Variants in CLCA4 observed in about 807,000 individuals in gnomAD.
The protein encoded by CLCA4 is calcium-activated chloride channel regulator 4.
CLCA4 carries 69 observed loss-of-function variants against 78.9 expected under a neutral mutation model. The observed-to-expected ratio is 0.87, with a 90% CI of 0.72 to 1.07. CLCA4 has a LOEUF of 1.07. CLCA4 is among the 50% of genes least tolerant of loss of function. The pLI, the probability that CLCA4 is intolerant of heterozygous loss-of-function variation, is 0.00. For missense variants in CLCA4, 1,133 were observed against 1,095.8 expected (o/e 1.03, Z -0.48); for synonymous variants, 362 against 375.8 (o/e 0.96, Z 0.42).
chr1:86,558,994 T>G (rs1649934042), intron 1 of CLCA4, among the ~76,000 whole-genome samples: 1 of 152,022 alleles, frequency 6.6e-6, no homozygotes, highest in Non-Finnish European at 1.5e-5. Flanking sequence ...TTTTTTTTCA[T>G]TTCAACCTTG....
At chr1:86,568,151 T>C (rs998364562) in intron 7 of CLCA4, among the ~76,000 whole-genome samples, 16 of 151,896 alleles carry the variant, frequency 1.1e-4, no homozygotes, top group Non-Finnish European at 1.9e-4. Context: ...GCATGAACTT[T>C]GACATCAGAG....
At chr1:86,548,492 C>T (rs968019272) in intron 1 of CLCA4, among the ~76,000 whole-genome samples, 5 of 151,728 alleles carry the variant, frequency 3.3e-5, no homozygotes, top group Non-Finnish European at 7.4e-5. Flanking sequence ...ACCAGGCTGG[C>T]CAACATGTTG....
Position 86,577,913 on chromosome 1 carries a change from T to C in CLCA4, c.1963T>C (p.Phe655Leu). 6.2e-7 allele frequency: 1 copy of C among 1,610,008 alleles called. No homozygotes were observed. Among genetic ancestry groups the C allele is most frequent in the Non-Finnish European group, 8.5e-7 (1 of 1,178,406 alleles). Residue 655 changes from phenylalanine (F) to leucine (L), a missense_variant, in exon 12 of 14, where the codon TTC becomes CTC. By Grantham distance (22) the Phe-to-Leu change is conservative (BLOSUM62 0). Transcript: ENST00000370563. ...LLDNGAGADS[F>L]KNDGVYSRYF... ...ATTTCTATAACAAGGCGCTGATTCT[T>C]TCAAGAATGATGGAGTCTACTCCAG... is the stretch of plus-strand genomic sequence containing the variant.
chr1:86,572,774 C>T, intron 9 of CLCA4, 54 bp downstream of exon 9: 1 of 1,023,734 alleles, frequency 9.8e-7, no homozygotes. Context: ...CAAGAAAAAA[C>T]CATTTGGTGG....
chr1:86,556,519 G>A (rs551993547), intron 1 of CLCA4, among the ~76,000 whole-genome samples: 21 of 152,180 alleles, frequency 1.4e-4, no homozygotes, highest in South Asian at 8.3e-4. Flanking sequence ...TCAATCTTGC[G>A]TCCTGGAGAT....
In CLCA4 at chr1:86,565,441, G is replaced by A. The variant is rs1375708226; in HGVS notation, c.725G>A (p.Ser242Asn). 3.2e-6 allele frequency: 5 copies of A among 1,584,278 alleles called. No homozygotes were observed. The African/African-American group carries it at 6.8e-5, about 21-fold the overall frequency. ...AAAGCATCCATAATGTTTATGCAAA[G>A]TATTGATTCTGTAAGTATGCTGATA... ...TEKASIMFMQSIDSVVEFCNE... is the reference protein window; with the variant it reads ...TEKASIMFMQNIDSVVEFCNE... Residue 242 changes from serine to asparagine, a missense_variant, in exon 5 of 14, where the codon AGT becomes AAT. Coordinates refer to ENST00000370563, the MANE Select transcript of CLCA4 (RefSeq NM_012128.4).
At chr1:86,564,951 A>G (rs1650133462) in intron 4 of CLCA4, among the ~76,000 whole-genome samples, 1 of 152,212 alleles carries the variant, frequency 6.6e-6, no homozygotes. Context: ...TCTCTTATCC[A>G]GGTCCCTATA....
intron 9 of CLCA4, 135 bp from the exon 10 acceptor site, chr1:86,574,405 T>G (rs1425123741): frequency 1.7e-5 from 11 of 641,196 alleles, no homozygotes; most frequent in Non-Finnish European, 2.7e-6. Context: ...CATCACCAGC[T>G]TGCAGAGAGA....
At position 86,575,458 on chromosome 1, in the gene CLCA4, G is replaced by A. The variant is rs377379798; in HGVS notation, c.1810G>A (p.Val604Ile). Residue 604 changes from valine (V) to isoleucine (I), a missense_variant, in exon 11 of 14, where the codon GTA becomes ATA. By Grantham distance (29) the Val-to-Ile change is conservative. Transcript: ENST00000370563. Reference protein sequence around the residue: ...ITVNAKMNKDVNSFPSPMIVY... With the variant: ...ITVNAKMNKDINSFPSPMIVY... Reference sequence around the variant, plus strand: ...AGTGAATGCTAAAATGAATAAGGACGTAAACAGTTTCCCCAGCCCAATGAT... The same window carrying A: ...AGTGAATGCTAAAATGAATAAGGACATAAACAGTTTCCCCAGCCCAATGAT... 8.7e-6 allele frequency: 14 copies of A among 1,613,458 alleles called. No homozygotes were observed. The African/African-American group carries it at 9.3e-5, about 11-fold the overall frequency.
At chr1:86,551,559 G>A (rs1649664317) in intron 1 of CLCA4, among the ~76,000 whole-genome samples, 1 of 152,184 alleles carries the variant, frequency 6.6e-6, no homozygotes, top group African/African-American at 2.4e-5. Context: ...GAATGACAGG[G>A]ATTCGGATTT....
rs750877676 is a variant in CLCA4 at position 86,579,429 on chromosome 1, C to T, written c.2198C>T (p.Thr733Ile). Residue 733 changes from threonine (T) to isoleucine (I), a missense_variant, in exon 13 of 14, where the codon ACA (threonine) becomes ATA (isoleucine). Coordinates refer to ENST00000370563, the MANE Select transcript of CLCA4 (RefSeq NM_012128.4). ...TQTTLEDFSR[T>I]ASGGAFVVSQ... ...ACCACCTTGGAGGATTTCAGCCGAA[C>T]AGCATCCGGAGGTGCATTTGTGGTA... The T allele has an allele frequency of 1.9e-6, 3 of 1,613,314 alleles. No individual in the cohort carries two copies. Among genetic ancestry groups the T allele is most frequent in the Non-Finnish European group, 2.5e-6 (3 of 1,179,524 alleles).
chr1:86,554,676 C>G (rs1052404940), intron 1 of CLCA4, among the ~76,000 whole-genome samples: 4 of 152,116 alleles, frequency 2.6e-5, no homozygotes, highest in African/African-American at 7.2e-5. Flanking sequence ...GTGTGTCTTT[C>G]TGGTGGAATG....
chr1:86,580,368 T>C lies in CLCA4; in HGVS notation c.*23T>C. 6.5e-7 allele frequency: 1 copy of C among 1,530,388 alleles called. No individual in the cohort carries two copies. The highest frequency in any genetic ancestry group is 8.8e-7 in the Non-Finnish European group (1 of 1,142,740). The allele number at this position is 1,530,388 out of a possible 1,614,324, so 94.8% of individuals were successfully genotyped here. On this transcript the variant is annotated 3_prime_UTR_variant, in exon 14 of 14. Transcript: ENST00000370563. ...TGAACCTTAACGAAGAAAAAAATCT[T>C]CAAGTAGACCTAGAAGAGAGTTTTA...
intron 3 of CLCA4, among the ~76,000 whole-genome samples, chr1:86,562,121 A>C (rs1650040771): frequency 6.6e-6 from 1 of 152,140 alleles, no homozygotes; most frequent in Non-Finnish European, 1.5e-5. Flanking sequence ...GGAGAGAGAA[A>C]TGTTACTAGA....
rs1650143747 is a variant in CLCA4 at position 86,565,279 on chromosome 1, C to G, written c.563C>G (p.Ser188Cys). 1 of 1,587,742 alleles carries G rather than the reference C, an allele frequency of 6.3e-7. No homozygotes were observed. Among genetic ancestry groups the G allele is most frequent in the South Asian group, 1.2e-5 (1 of 86,076 alleles). Residue 188 changes from serine (S) to cysteine (C), a missense_variant, in exon 5 of 14, where the codon TCC (serine) becomes TGC (cysteine). Physicochemically the swap from Ser to Cys is moderately radical, Grantham distance 112 (BLOSUM62 -1). Transcript: ENST00000370563. The stretch of plus-strand genomic sequence containing the variant: ...TAACTGTCATATATTTTCAGGTGTT[C>G]CGCAGGTATCTCTGGTAGAAATAGA... ...KSKKIEATRC[S>C]AGISGRNRVY... is the part of the protein sequence containing the mutation.
At chr1:86,548,116 T>A (rs1649552304) in intron 1 of CLCA4, among the ~76,000 whole-genome samples, 1 of 152,142 alleles carries the variant, frequency 6.6e-6, no homozygotes, top group South Asian at 2.1e-4. Flanking sequence ...ACTTTTTTTG[T>A]CTTTTTGGTA....
Position 86,577,962 on chromosome 1 carries a change from AT to A in CLCA4, c.2013del (p.Asn671LysfsTer6), listed in dbSNP as rs756442623. Reference protein sequence around the residue: ...YSRYFTAYTENGRYSLKVRAH... With the variant: ...YSRYFTAYTEXGRYSLKVRAH... ...AGGTATTTTACAGCATATACAGAAAATGGCAGATATAGCTTAAAAGTTCGGG... is the reference window on the plus strand; with the variant it reads ...AGGTATTTTACAGCATATACAGAAAAGGCAGATATAGCTTAAAAGTTCGGG... On this transcript the variant is annotated frameshift_variant, in exon 12 of 14. Transcript: ENST00000370563. LOFTEE classifies it high-confidence loss of function. The A allele has an allele frequency of 6.2e-7, 1 of 1,612,906 alleles. No individual in the cohort carries two copies. Among genetic ancestry groups the A allele is most frequent in the Non-Finnish European group, 8.5e-7 (1 of 1,179,326 alleles).
intron 1 of CLCA4, among the ~76,000 whole-genome samples, chr1:86,551,413 A>G (rs918862274): frequency 2.6e-5 from 4 of 152,138 alleles, no homozygotes; most frequent in African/African-American, 9.7e-5. Context: ...TTTTTGGCTA[A>G]GGGGTGAGGA....
chr1:86,578,221 T>C, intron 12 of CLCA4, 149 bp downstream of exon 12: 1 of 723,230 alleles, frequency 1.4e-6, no homozygotes. Context: ...AGGATTTGCC[T>C]CTAAATTAAT....
Sources: gnomAD v4.1 joint callset for allele counts (sites outside exome capture counted in the v4.1 genomes callset) on GRCh38, gnomAD v4.1.1 for gene constraint, MANE v1.5 for transcripts, NCBI Gene and HGNC (gene_info 2026-07-23, HGNC 2026-07-21) for gene names.